Variants in RBFOX1 observed in about 807,000 individuals in gnomAD.
RBFOX1 encodes RNA binding fox-1 homolog 1, also known as RNA binding protein fox-1 homolog 1.
Under a neutral mutation model 57.7 loss-of-function variants are expected in RBFOX1, and 8 were observed. The ratio of observed to expected loss-of-function variants is 0.14; its 90% CI spans 0.08 to 0.25. The LOEUF (loss-of-function observed/expected upper bound fraction) is 0.25. Ranked by LOEUF, RBFOX1 falls within the 10% of genes least tolerant of loss-of-function variation. RBFOX1 has a pLI of 1.00. For synonymous variants in RBFOX1, 326 were observed against 222.4 expected (o/e 1.47, Z -4.15); for missense variants, 611 against 548.5 (o/e 1.11, Z -1.14).
At chr16:6,970,889 G>A (rs1466545421) in intron 3 of RBFOX1, among the ~76,000 whole-genome samples, 1 of 152,150 alleles carries the variant, frequency 6.6e-6, no homozygotes, top group Non-Finnish European at 1.5e-5. Context: ...ACTGCAGTAA[G>A]GCTCAAAGAC....
intron 3 of RBFOX1, among the ~76,000 whole-genome samples, chr16:6,733,811 C>G (rs911232278): frequency 6.6e-6 from 1 of 152,220 alleles, no homozygotes; most frequent in African/African-American, 2.4e-5. Flanking sequence ...ACTACCATCT[C>G]TGTGACTTGC....
chr16:7,365,351 C>T (rs962631121), intron 4 of RBFOX1, among the ~76,000 whole-genome samples: 14 of 152,166 alleles, frequency 9.2e-5, no homozygotes, highest in South Asian at 2.1e-4. Context: ...TCAGGACTTA[C>T]CTTTTTTTAT....
chr16:6,543,670 A>AGGGGAGG (rs1433749733), intron 2 of RBFOX1, among the ~76,000 whole-genome samples: 1 of 152,118 alleles, frequency 6.6e-6, no homozygotes, highest in African/African-American at 2.4e-5. Context: ...GCACCTTGGC[A>AGGGGAGG]GGGGAGGAGA....
intron 3 of RBFOX1, among the ~76,000 whole-genome samples, chr16:6,882,376 C>T (rs528967095): frequency 4.6e-5 from 7 of 152,088 alleles, no homozygotes; most frequent in African/African-American, 1.7e-4. Context: ...AGTCACCTAA[C>T]CTCTCTGATT....
chr16:7,629,216 G>A (rs959110146), intron 10 of RBFOX1, among the ~76,000 whole-genome samples: 1 of 152,124 alleles, frequency 6.6e-6, no homozygotes, highest in African/African-American at 2.4e-5. Flanking sequence ...GGAAGAGTGA[G>A]ATGGGTTAGA....
chr16:6,330,263 T>C (rs2082855438), intron 2 of RBFOX1, among the ~76,000 whole-genome samples: 1 of 152,216 alleles, frequency 6.6e-6, no homozygotes, highest in Non-Finnish European at 1.5e-5. Flanking sequence ...TCCTGCGTAG[T>C]GGTGGCTGAA....
intron 1 of RBFOX1, among the ~76,000 whole-genome samples, chr16:5,294,247 A>C (rs1596426748): frequency 6.6e-6 from 1 of 151,954 alleles, no homozygotes; most frequent in South Asian, 2.1e-4. Context: ...AAAACAAGAA[A>C]CACACACACA....
chr16:6,613,344 G>A (rs1265205586), intron 2 of RBFOX1, among the ~76,000 whole-genome samples: 1 of 152,054 alleles, frequency 6.6e-6, no homozygotes, highest in Admixed American at 6.6e-5. Flanking sequence ...TCAGGATGGT[G>A]GGGGCTGGTT....
At position 7,018,806 on chromosome 16, in the gene RBFOX1, A is replaced by G. The variant is rs566580839; in HGVS notation, c.-15-33251A>G. 1.2e-3 allele frequency among the ~76,000 whole-genome samples: 178 copies of G among 151,844 alleles called. 2 individuals carry two copies. Among genetic ancestry groups the G allele is most frequent in the Middle Eastern group, 6.8e-3 (2 of 294 alleles). On this transcript the variant is annotated intron_variant, in intron 3 of 15. Transcript: ENST00000550418. Reference sequence around the variant, plus strand: ...AAGTATTAAAAAAAAAAAAGAAGAAATACAACGTCTACAGATTAAAACCCA... The same window carrying G: ...AAGTATTAAAAAAAAAAAAGAAGAAGTACAACGTCTACAGATTAAAACCCA...
At chr16:6,251,472 T>A (rs2097611225) in intron 1 of RBFOX1, among the ~76,000 whole-genome samples, 1 of 152,136 alleles carries the variant, frequency 6.6e-6, no homozygotes, top group Non-Finnish European at 1.5e-5. Flanking sequence ...TTCTTTTCAT[T>A]GCAGCAGCCT....
intron 3 of RBFOX1, among the ~76,000 whole-genome samples, chr16:5,752,819 G>A (rs2053258732): frequency 6.6e-6 from 1 of 152,070 alleles, no homozygotes; most frequent in Non-Finnish European, 1.5e-5. Context: ...GGCATATGTT[G>A]AGTTTCAAAC....
At chr16:6,186,457 C>G (rs1230907238) in intron 1 of RBFOX1, among the ~76,000 whole-genome samples, 1 of 152,004 alleles carries the variant, frequency 6.6e-6, no homozygotes, top group Non-Finnish European at 1.5e-5. Flanking sequence ...TGTAAAGATA[C>G]TTGCTTGGTT....
At chr16:6,658,114 C>T (rs949832361) in intron 3 of RBFOX1, among the ~76,000 whole-genome samples, 1 of 152,096 alleles carries the variant, frequency 6.6e-6, no homozygotes, top group East Asian at 1.9e-4. Flanking sequence ...CCAAATTGTG[C>T]CTCATTCCCA....
intron 4 of RBFOX1, among the ~76,000 whole-genome samples, chr16:7,268,543 A>G (rs193297448): frequency 2.0e-5 from 3 of 152,276 alleles, no homozygotes; most frequent in African/African-American, 4.8e-5. Context: ...TGAATTGCCA[A>G]TTGACTTGCT....
chr16:6,821,853 G>C lies in RBFOX1; in HGVS notation c.-16+167203G>C, dbSNP rs189674278. On this transcript the variant is annotated intron_variant, in intron 3 of 15. Transcript: ENST00000550418. ...AACATGAAGGTGCAGGCACTTGTCTGTTTTCAATTTTTGTGGGTATATACC... is the reference window on the plus strand; with the variant it reads ...AACATGAAGGTGCAGGCACTTGTCTCTTTTCAATTTTTGTGGGTATATACC... 8.5e-5 allele frequency among the ~76,000 whole-genome samples: 13 copies of C among 152,286 alleles called. No homozygotes were observed. In the East Asian group the frequency reaches 2.3e-3, roughly 27 times the overall value.
intron 2 of RBFOX1, among the ~76,000 whole-genome samples, chr16:6,371,585 T>C (rs2090440166): frequency 6.6e-6 from 1 of 152,144 alleles, no homozygotes; most frequent in South Asian, 2.1e-4. Flanking sequence ...ATATTCCAGG[T>C]ATATCTTGAC....
chr16:6,508,465 C>T (rs1227695561), intron 2 of RBFOX1, among the ~76,000 whole-genome samples: 1 of 151,928 alleles, frequency 6.6e-6, no homozygotes, highest in Admixed American at 6.6e-5. Context: ...AAAAAAAATT[C>T]AAAAAACCAA....
intron 4 of RBFOX1, among the ~76,000 whole-genome samples, chr16:7,256,662 A>C (rs138525679): frequency 2.6e-5 from 4 of 152,318 alleles, no homozygotes; most frequent in African/African-American, 9.6e-5. Flanking sequence ...GTAACTAAGA[A>C]TCCATTTCCA....
At chr16:6,079,385 C>T (rs1045062951) in intron 1 of RBFOX1, among the ~76,000 whole-genome samples, 1 of 152,156 alleles carries the variant, frequency 6.6e-6, no homozygotes, top group Non-Finnish European at 1.5e-5. Context: ...GAATATGGCT[C>T]ACTGCAGCCT....
Sources: allele counts gnomAD v4.1 joint callset (sites outside exome capture counted in the v4.1 genomes callset), GRCh38; gene constraint gnomAD v4.1.1; transcripts MANE v1.5; gene names NCBI Gene and HGNC (gene_info 2026-07-23, HGNC 2026-07-21).